The following ARHGAP6 variants were observed in gnomAD, a reference collection of about 807,000 sequenced individuals.
The protein encoded by ARHGAP6 is rho GTPase-activating protein 6.
Under a neutral mutation model 55.7 loss-of-function variants are expected in ARHGAP6, and 16 were observed. That is an observed-to-expected ratio of 0.29 (90% CI 0.19 to 0.44). The LOEUF is 0.44. ARHGAP6 is among the 20% of genes least tolerant of loss of function. ARHGAP6 has a pLI of 1.00. For synonymous variants in ARHGAP6, 382 were observed against 360.9 expected (o/e 1.06, Z -0.66); for missense variants, 698 against 808.9 (o/e 0.86, Z 1.66).
At chrX:11,624,526 A>G (rs898623066) in intron 1 of ARHGAP6, among the ~76,000 whole-genome samples, 1 of 113,114 alleles carries the variant, frequency 8.8e-6, no homozygotes, top group Admixed American at 9.3e-5. Context: ...CTCAATAGCA[A>G]ATAATAATCA....
chrX:11,351,494 A>G, intron 1 of ARHGAP6: 1 of 947,609 alleles, frequency 1.1e-6, no homozygotes, highest in Non-Finnish European at 1.3e-6. Context: ...ATTCCCCTCC[A>G]TCTCGTCCTG....
intron 1 of ARHGAP6, among the ~76,000 whole-genome samples, chrX:11,514,042 G>C (rs1442974559): frequency 9.3e-6 from 1 of 107,708 alleles, no homozygotes; most frequent in Non-Finnish European, 1.9e-5. Flanking sequence ...CATGCCTGTA[G>C]TCCCAGCTAC....
chrX:11,641,641 G>A (rs1277320784), intron 1 of ARHGAP6, among the ~76,000 whole-genome samples: 1 of 111,771 alleles, frequency 8.9e-6, no homozygotes, highest in African/African-American at 3.2e-5. Flanking sequence ...TTTAAATTAT[G>A]TGAAAAATGC....
chrX:11,555,312 T>A (rs193275308), intron 1 of ARHGAP6, among the ~76,000 whole-genome samples: 199 of 111,446 alleles, frequency 1.8e-3, no homozygotes, highest in African/African-American at 6.2e-3. Flanking sequence ...AGGCCACAAA[T>A]ACACAAATAA....
At chrX:11,529,961 T>A (rs2051030813) in intron 1 of ARHGAP6, among the ~76,000 whole-genome samples, 1 of 111,320 alleles carries the variant, frequency 9.0e-6, no homozygotes, top group South Asian at 3.8e-4. Flanking sequence ...AGGACAAAAA[T>A]CAGGAAAACT....
chrX:11,550,068 G>C (rs1434352268), intron 1 of ARHGAP6, among the ~76,000 whole-genome samples: 3 of 112,041 alleles, frequency 2.7e-5, no homozygotes, highest in African/African-American at 9.7e-5. Context: ...TGGCCTTCTG[G>C]TTGTGGCTAG....
At position 11,664,835 on chromosome X, in the gene ARHGAP6, G is replaced by T. The variant is rs764294395; in HGVS notation, c.-7C>A. 207 of 1,171,605 alleles carry T rather than the reference G, an allele frequency of 1.8e-4. No homozygotes were observed. Among genetic ancestry groups the T allele is most frequent in the Middle Eastern group, 8.8e-4 (3 of 3,406 alleles). ...GCAGGCTCTGCGCGGACATCTCGGC[G>T]GGGCTGCACCTGAGGACCACCTCCT... is the stretch of plus-strand genomic sequence containing the variant. On this transcript the variant is annotated 5_prime_UTR_variant, in exon 1 of 13. Coordinates refer to ENST00000337414, the MANE Select transcript of ARHGAP6 (RefSeq NM_013427.3).
chrX:11,608,325 T>C (rs1438119316), intron 1 of ARHGAP6, among the ~76,000 whole-genome samples: 1 of 112,014 alleles, frequency 8.9e-6, no homozygotes, highest in Non-Finnish European at 1.9e-5. Context: ...TTCTGCAAAA[T>C]TGGATTATTA....
chrX:11,589,813 C>T (rs1191773855), intron 1 of ARHGAP6, among the ~76,000 whole-genome samples: 11 of 111,872 alleles, frequency 9.8e-5, no homozygotes, highest in Non-Finnish European at 2.1e-4. Flanking sequence ...CTTCTACCCA[C>T]ACTTCCCCAG....
chrX:11,543,071 T>C (rs2051176019), intron 1 of ARHGAP6, among the ~76,000 whole-genome samples: 1 of 111,764 alleles, frequency 8.9e-6, no homozygotes, highest in African/African-American at 3.3e-5. Context: ...GCTTCACAAA[T>C]GAGAGATGAA....
intron 1 of ARHGAP6, among the ~76,000 whole-genome samples, chrX:11,475,904 T>C (rs954488537): frequency 1.0e-4 from 11 of 107,721 alleles, no homozygotes; most frequent in African/African-American, 3.7e-4. Context: ...AACAAAACAA[T>C]AGGAATGGGA....
chrX:11,590,775 C>CAAACA lies in ARHGAP6; in HGVS notation c.588+73465_588+73466insTGTTT, dbSNP rs1216907403. 3.3e-3 allele frequency among the ~76,000 whole-genome samples: 35 copies of CAAACA among 10,721 alleles called. 8 individuals are homozygous for CAAACA. The highest frequency in any genetic ancestry group is 0.018 in the African/African-American group (35 of 1,939). The allele number at this position is 10,721 out of a possible 115,157, so 9.3% of individuals were successfully genotyped here. Reference sequence around the variant, plus strand: ...TGGGTGACAGAGTGAGACTCCATCTCGAAAAGAAAAGAAAAGAAAAGAAAA... The same window carrying CAAACA: ...TGGGTGACAGAGTGAGACTCCATCTCAAACAGAAAAGAAAAGAAAAGAAAAGAAAA... On this transcript the variant is annotated intron_variant, in intron 1 of 12. Coordinates refer to ENST00000337414, the MANE Select transcript of ARHGAP6 (RefSeq NM_013427.3).
intron 1 of ARHGAP6, among the ~76,000 whole-genome samples, chrX:11,412,789 T>C (rs2049702291): frequency 8.9e-6 from 1 of 112,398 alleles, no homozygotes; most frequent in Non-Finnish European, 1.9e-5. Context: ...AAAATATTGT[T>C]CCCGAATTGT....
rs756253019 is a variant in ARHGAP6, at chrX:11,144,027, G to A, written c.2129C>T (p.Ser710Leu). 9 of 1,211,631 alleles carry A rather than the reference G, an allele frequency of 7.4e-6. No homozygotes were observed. Among genetic ancestry groups the A allele is most frequent in the Admixed American group, 2.2e-5 (1 of 46,041 alleles). The change falls in exon 11 of 13, where the codon TCG (serine) becomes TTG (leucine). Residue 710 changes from serine to leucine, a missense_variant. Ser to Leu is a moderately radical substitution (Grantham distance 145). Coordinates refer to ENST00000337414, the MANE Select transcript of ARHGAP6 (RefSeq NM_013427.3). The stretch of plus-strand genomic sequence containing the variant: ...AGAACTTTCCCTTGACTTTGACGAC[G>A]ACAAGTGGCCCACCAGCATAAACTG... ...PGQFMLVGHL[S>L]SSKSRESSPG...
intron 1 of ARHGAP6, among the ~76,000 whole-genome samples, chrX:11,563,348 T>TAAAG (rs60910110): frequency 0.39 from 42,186 of 109,353 alleles, 6,499 homozygotes; most frequent in African/African-American, 0.57. Context: ...TTAATAATAA[T>TAAAG]AAGTTCAAAT....
intron 2 of ARHGAP6, among the ~76,000 whole-genome samples, chrX:11,249,537 T>C (rs1433110314): frequency 3.6e-5 from 4 of 111,428 alleles, no homozygotes; most frequent in Non-Finnish European, 1.9e-5. Context: ...CCACGAAGTG[T>C]ATCATCCAAC....
chrX:11,250,047 C>T (rs1014306743), intron 2 of ARHGAP6, among the ~76,000 whole-genome samples: 5 of 111,458 alleles, frequency 4.5e-5, no homozygotes, highest in Non-Finnish European at 9.4e-5. Context: ...ACAAAAATAC[C>T]GTATTTATCA....
At chrX:11,320,998 C>G (rs2048426341) in intron 1 of ARHGAP6, among the ~76,000 whole-genome samples, 1 of 111,120 alleles carries the variant, frequency 9.0e-6, no homozygotes, top group African/African-American at 3.3e-5. Flanking sequence ...CCCCTAGTTG[C>G]AAATACTTCA....
At chrX:11,161,457 C>CA (rs1330065168) in intron 9 of ARHGAP6, among the ~76,000 whole-genome samples, 1 of 111,280 alleles carries the variant, frequency 9.0e-6, no homozygotes, top group Non-Finnish European at 1.9e-5. Flanking sequence ...CCCTGAAATC[C>CA]AGTTTTGGCT....
Sources: allele counts gnomAD v4.1 joint callset (sites outside exome capture counted in the v4.1 genomes callset), GRCh38; gene constraint gnomAD v4.1.1; transcripts MANE v1.5; gene names NCBI Gene and HGNC (gene_info 2026-07-23, HGNC 2026-07-21).